The following CNTNAP3 variants were observed in gnomAD, a reference collection of about 807,000 sequenced individuals.
CNTNAP3 encodes the protein contactin-associated protein-like 3.
In CNTNAP3, 36 loss-of-function variants were observed where a neutral mutation model predicts 92.1. That is an observed-to-expected ratio of 0.39 (90% CI 0.30 to 0.52). CNTNAP3 has a LOEUF of 0.52. CNTNAP3 is among the 20% of genes least tolerant of loss of function. The pLI, the probability that CNTNAP3 is intolerant of heterozygous loss-of-function variation, is 0.76. For missense variants in CNTNAP3, 534 were observed against 1,069.6 expected (o/e 0.50, Z 6.98); for synonymous variants, 232 against 422.3 (o/e 0.55, Z 5.53).
chr9:39,179,284 TCTACACAC>T (rs1822401485), intron 4 of CNTNAP3, among the ~76,000 whole-genome samples: 1 of 45,280 alleles, frequency 2.2e-5, no homozygotes, highest in African/African-American at 9.8e-5. Flanking sequence ...TCTCTCTCTC[TCTACACAC>T]ACACACACAC....
At chr9:39,091,903 C>T (rs546371162) in intron 18 of CNTNAP3, among the ~76,000 whole-genome samples, 140 of 152,036 alleles carry the variant, frequency 9.2e-4, no homozygotes, top group Admixed American at 1.2e-3. Context: ...TTAAGACATT[C>T]CTTTTATTGT....
chr9:39,087,061 A>G (rs1412827234), intron 19 of CNTNAP3, among the ~76,000 whole-genome samples: 1 of 152,144 alleles, frequency 6.6e-6, no homozygotes, highest in Non-Finnish European at 1.5e-5. Context: ...ATGCTATTTG[A>G]AAAGTCAAGA....
In CNTNAP3 at chr9:39,145,008, A is replaced by G. The variant is rs868072957; in HGVS notation, c.1650-662T>C. On this transcript the variant is annotated intron_variant, in intron 10 of 23. Coordinates refer to ENST00000297668, the MANE Select transcript of CNTNAP3 (RefSeq NM_033655.5). ...ATCCTAAAATTCATAGGGAACCTCAAGGGACCCTGAACTAGCCAAAACAAT... is the reference window on the plus strand; with the variant it reads ...ATCCTAAAATTCATAGGGAACCTCAGGGGACCCTGAACTAGCCAAAACAAT... Among the ~76,000 whole-genome samples the G allele has an allele frequency of 2.5e-4, 35 of 142,332 alleles. 3 individuals carry two copies. The highest frequency in any genetic ancestry group is 2.2e-4 in the Non-Finnish European group (14 of 63,218). 93.4% of individuals were successfully genotyped at this position (142,332 alleles called of 152,430 possible). A position where few individuals can be genotyped will look rare whatever the true frequency, so the allele number is the denominator to read the frequency against.
At chr9:39,078,308 T>C in intron 23 of CNTNAP3, 77 bp downstream of exon 23, 1 of 1,609,580 alleles carries the variant, frequency 6.2e-7, no homozygotes, top group South Asian at 1.1e-5. Context: ...CTTACATATA[T>C]TTCCCATTGT....
At chr9:39,133,180 G>A (rs554930194) in intron 12 of CNTNAP3, 45 bp from the exon 13 acceptor site, 3 of 1,541,908 alleles carry the variant, frequency 1.9e-6, no homozygotes, top group East Asian at 4.7e-5. Context: ...GACGGCAGAG[G>A]CCAGCAGCAA....
chr9:39,099,878 T>C, intron 18 of CNTNAP3, 33 bp downstream of exon 18: 1 of 1,604,082 alleles, frequency 6.2e-7, no homozygotes, highest in Non-Finnish European at 8.5e-7. Flanking sequence ...TTTCATGTAC[T>C]TTCCCTATAA....
rs1428144142 is a variant in CNTNAP3 at position 39,212,182 on chromosome 9, T to C, written c.391-18907A>G. Among the ~76,000 whole-genome samples, 55 of 20,912 alleles carry C rather than the reference T, an allele frequency of 2.6e-3. 25 individuals carry two copies. Among genetic ancestry groups the C allele is most frequent in the African/African-American group, 5.7e-3 (55 of 9,580 alleles). 13.7% of individuals were successfully genotyped at this position (20,912 alleles called of 152,430 possible). A position where few individuals can be genotyped will look rare whatever the true frequency, so the allele number is the denominator to read the frequency against. On this transcript the variant is annotated intron_variant, in intron 3 of 23. Transcript: ENST00000297668. ...AGCACCGGATCCTTCATCACTCATATCACAGAGCTTGAATCTTCTGAACAT... is the reference window on the plus strand; with the variant it reads ...AGCACCGGATCCTTCATCACTCATACCACAGAGCTTGAATCTTCTGAACAT...
intron 13 of CNTNAP3, among the ~76,000 whole-genome samples, chr9:39,131,386 C>A (rs189482020): frequency 6.6e-6 from 1 of 152,262 alleles, no homozygotes; most frequent in Non-Finnish European, 1.5e-5. Flanking sequence ...ACAGACTTAC[C>A]ACTTGAACTT....
chr9:39,110,751 CAAT>C (rs1363809566), intron 14 of CNTNAP3, among the ~76,000 whole-genome samples: 6 of 151,814 alleles, frequency 4.0e-5, no homozygotes, highest in East Asian at 1.9e-4. Context: ...AATATTTGGC[CAAT>C]AATAAATATT....
intron 11 of CNTNAP3, among the ~76,000 whole-genome samples, chr9:39,143,860 G>A (rs1225622988): frequency 6.6e-6 from 1 of 152,126 alleles, no homozygotes; most frequent in African/African-American, 2.4e-5. Context: ...GCAAGGGGTT[G>A]TTTTTCCACC....
chr9:39,091,665 T>C (rs913842563), intron 18 of CNTNAP3, among the ~76,000 whole-genome samples: 26 of 151,862 alleles, frequency 1.7e-4, no homozygotes, highest in African/African-American at 6.3e-4. Context: ...TTAAAATATA[T>C]ATACTTGTAT....
chr9:39,104,257 TG>T (rs1281877596), intron 15 of CNTNAP3, among the ~76,000 whole-genome samples: 13 of 152,072 alleles, frequency 8.5e-5, no homozygotes, highest in Admixed American at 6.5e-4. Context: ...CTCGGTAAGA[TG>T]TGAGAAGAAG....
At chr9:39,083,768 C>T (rs1237170367) in intron 21 of CNTNAP3, among the ~76,000 whole-genome samples, 2 of 152,094 alleles carry the variant, frequency 1.3e-5, no homozygotes, top group Non-Finnish European at 2.9e-5. Flanking sequence ...ATCATCTTTA[C>T]TGAATTATAA....
chr9:39,112,164 C>T (rs1826763587), intron 14 of CNTNAP3, among the ~76,000 whole-genome samples: 1 of 151,350 alleles, frequency 6.6e-6, no homozygotes, highest in Admixed American at 6.6e-5. Context: ...AGACTTTTTG[C>T]TTTTATTTTA....
intron 23 of CNTNAP3, among the ~76,000 whole-genome samples, chr9:39,078,129 C>T (rs1825827814): frequency 6.6e-6 from 1 of 152,306 alleles, no homozygotes; most frequent in African/African-American, 2.4e-5. Context: ...ATCGCTTGAA[C>T]CCGGGAGGCA....
chr9:39,119,721 A>C (rs1000013950), intron 13 of CNTNAP3, among the ~76,000 whole-genome samples: 17 of 152,208 alleles, frequency 1.1e-4, no homozygotes, highest in African/African-American at 4.1e-4. Flanking sequence ...TCCACCAAGT[A>C]TAATGATAGA....
intron 18 of CNTNAP3, among the ~76,000 whole-genome samples, chr9:39,097,367 G>A (rs1395429107): frequency 6.6e-6 from 1 of 151,936 alleles, no homozygotes; most frequent in Non-Finnish European, 1.5e-5. Flanking sequence ...AGAGTGGCCT[G>A]CTCCTTTGTA....
chr9:39,131,221 G>T (rs1821285451), intron 13 of CNTNAP3, among the ~76,000 whole-genome samples: 1 of 151,684 alleles, frequency 6.6e-6, no homozygotes, highest in African/African-American at 2.4e-5. Context: ...CTGGAGAACT[G>T]GGAAGGAGAG....
chr9:39,082,086 C>CAAA (rs34730493), intron 21 of CNTNAP3, among the ~76,000 whole-genome samples: 3,077 of 101,156 alleles, frequency 0.03, 299 homozygotes, highest in East Asian at 0.058. Context: ...AACTCGATCT[C>CAAA]AAAAAAAAAA....
Sources: allele counts gnomAD v4.1 joint callset (sites outside exome capture counted in the v4.1 genomes callset), GRCh38; gene constraint gnomAD v4.1.1; transcripts MANE v1.5; gene names NCBI Gene and HGNC (gene_info 2026-07-23, HGNC 2026-07-21).